The following SLC9A9 variants were observed in gnomAD, a reference collection of about 807,000 sequenced individuals.
SLC9A9 encodes the protein sodium/hydrogen exchanger 9.
In SLC9A9, 62 loss-of-function variants were observed where a neutral mutation model predicts 77.8. That is an observed-to-expected ratio of 0.80 (90% CI 0.65 to 0.98). SLC9A9 has a LOEUF of 0.98. Ranked by LOEUF, SLC9A9 falls within the 50% of genes least tolerant of loss-of-function variation. SLC9A9 has a pLI of 0.00. For missense variants in SLC9A9, 775 were observed against 774.9 expected, an observed-to-expected ratio of 1.00 and a Z score of 0.00; for synonymous variants, 320 against 283.5, an observed-to-expected ratio of 1.13 and a Z score of -1.29.
At chr3:143,781,635 T>A (rs2007885148) in intron 4 of SLC9A9, among the ~76,000 whole-genome samples, 1 of 152,190 alleles carries the variant, frequency 6.6e-6, no homozygotes, top group South Asian at 2.1e-4. Flanking sequence ...ACGCTTACAT[T>A]TTTAGAGGAA....
At chr3:143,486,554 G>A (rs2035655707) in intron 11 of SLC9A9, among the ~76,000 whole-genome samples, 1 of 151,946 alleles carries the variant, frequency 6.6e-6, no homozygotes, top group Non-Finnish European at 1.5e-5. Flanking sequence ...TAATTTAAGA[G>A]ACTAATGCAT....
In SLC9A9 at chr3:143,647,528, AAG is replaced by A. The variant is rs1425279359; in HGVS notation, c.755+4725_755+4726del. Among the ~76,000 whole-genome samples the A allele has an allele frequency of 2.0e-5, 3 of 152,350 alleles. No homozygotes were observed. In the South Asian group the frequency reaches 6.2e-4, roughly 32 times the overall value. Reference sequence around the variant, plus strand: ...AGACTGCATAGAAGAGTATAAAATAAAGAGTTAAATTATTTTTCATCCTTTGC... The same window carrying A: ...AGACTGCATAGAAGAGTATAAAATAAAGTTAAATTATTTTTCATCCTTTGC... On this transcript the variant is annotated intron_variant, in intron 6 of 15. Transcript: ENST00000316549.
At chr3:143,712,683 T>C (rs1018210095) in intron 4 of SLC9A9, among the ~76,000 whole-genome samples, 1 of 151,446 alleles carries the variant, frequency 6.6e-6, no homozygotes, top group African/African-American at 2.5e-5. Flanking sequence ...TTCCAGCTAT[T>C]ACTTTCTTTG....
intron 14 of SLC9A9, among the ~76,000 whole-genome samples, chr3:143,309,205 C>A (rs1334535702): frequency 6.6e-6 from 1 of 152,080 alleles, no homozygotes; most frequent in Non-Finnish European, 1.5e-5. Flanking sequence ...CAAAGGTAAA[C>A]CCTCCTTACA....
In SLC9A9 at chr3:143,692,159, C is replaced by CT. The variant is rs377709914; in HGVS notation, c.649+1032dup. ...GATTCAACCACAAGACAAATTACCTCTTTTTTTTTAAACAAATAAATGACA... is the reference window on the plus strand; with the variant it reads ...GATTCAACCACAAGACAAATTACCTCTTTTTTTTTTAAACAAATAAATGACA... On this transcript the variant is annotated intron_variant, in intron 5 of 15. Transcript: ENST00000316549. 7.7e-3 allele frequency among the ~76,000 whole-genome samples: 1,166 copies of CT among 151,378 alleles called. 9 individuals carry two copies. The highest frequency in any genetic ancestry group is 0.027 in the African/African-American group (1,097 of 41,304).
At chr3:143,753,599 A>G (rs2006818407) in intron 4 of SLC9A9, among the ~76,000 whole-genome samples, 1 of 152,174 alleles carries the variant, frequency 6.6e-6, no homozygotes, top group Non-Finnish European at 1.5e-5. Context: ...GGTTATCTAG[A>G]GGGTGCTGCA....
chr3:143,757,927 G>A (rs1169868332), intron 4 of SLC9A9, among the ~76,000 whole-genome samples: 1 of 152,090 alleles, frequency 6.6e-6, no homozygotes, highest in Admixed American at 6.6e-5. Context: ...ACTAGGTAAA[G>A]GAAACAGCCG....
At chr3:143,678,481 G>A (rs950396316) in intron 5 of SLC9A9, among the ~76,000 whole-genome samples, 5 of 152,054 alleles carry the variant, frequency 3.3e-5, no homozygotes, top group African/African-American at 1.2e-4. Context: ...ATGGTTATAT[G>A]TGTTCAATTT....
chr3:143,374,822 G>A (rs2033144952), intron 13 of SLC9A9, among the ~76,000 whole-genome samples: 1 of 152,048 alleles, frequency 6.6e-6, no homozygotes, highest in Non-Finnish European at 1.5e-5. Context: ...ATACAATTAA[G>A]TTATTATTGA....
chr3:143,597,836 A>T (rs1576600628), intron 6 of SLC9A9, among the ~76,000 whole-genome samples: 2 of 152,340 alleles, frequency 1.3e-5, no homozygotes, highest in East Asian at 1.9e-4. Flanking sequence ...TAAGGAAGGT[A>T]TGGCGCTAAA....
intron 8 of SLC9A9, among the ~76,000 whole-genome samples, chr3:143,568,330 GT>G (rs1308962619): frequency 6.6e-6 from 1 of 152,104 alleles, no homozygotes; most frequent in Non-Finnish European, 1.5e-5. Flanking sequence ...ATTAGAAGAT[GT>G]TATCCATTGG....
chr3:143,551,307 G>A (rs994535539), intron 9 of SLC9A9, among the ~76,000 whole-genome samples: 5 of 152,234 alleles, frequency 3.3e-5, no homozygotes, highest in East Asian at 1.9e-4. Context: ...ATACATTCCC[G>A]TTATGTAAGC....
chr3:143,635,580 TCTC>T (rs1394798335), intron 6 of SLC9A9, among the ~76,000 whole-genome samples: 3 of 152,326 alleles, frequency 2.0e-5, no homozygotes, highest in South Asian at 4.1e-4. Context: ...TTTGAAAACT[TCTC>T]CTTTTCTTCC....
chr3:143,390,977 C>T (rs1037777731), intron 12 of SLC9A9, among the ~76,000 whole-genome samples: 2 of 152,202 alleles, frequency 1.3e-5, no homozygotes, highest in Admixed American at 6.5e-5. Flanking sequence ...TGGAGCCCAC[C>T]GCAGCTCAAG....
At chr3:143,845,934 C>G (rs9824974) in intron 1 of SLC9A9, among the ~76,000 whole-genome samples, 137,433 of 152,248 alleles carry the variant, frequency 0.9, 62,931 homozygotes, top group South Asian at 0.99. Flanking sequence ...TCAGAGAACC[C>G]AACTTAATTC....
intron 4 of SLC9A9, among the ~76,000 whole-genome samples, chr3:143,774,606 T>A (rs2007630314): frequency 6.6e-6 from 1 of 152,246 alleles, no homozygotes; most frequent in South Asian, 2.1e-4. Flanking sequence ...CAGAGTAGCC[T>A]GGAAGTGTTA....
intron 9 of SLC9A9, among the ~76,000 whole-genome samples, chr3:143,549,042 C>T (rs1185211930): frequency 1.3e-5 from 2 of 152,220 alleles, no homozygotes; most frequent in Non-Finnish European, 2.9e-5. Context: ...GCTACCTTCC[C>T]GTTGACAGTG....
chr3:143,779,124 T>C (rs1410530947), intron 4 of SLC9A9, among the ~76,000 whole-genome samples: 1 of 152,198 alleles, frequency 6.6e-6, no homozygotes, highest in East Asian at 1.9e-4. Flanking sequence ...ATAATCTATG[T>C]TTAAAAATTC....
At chr3:143,616,938 C>A (rs1324478346) in intron 6 of SLC9A9, among the ~76,000 whole-genome samples, 3 of 151,488 alleles carry the variant, frequency 2.0e-5, no homozygotes, top group African/African-American at 7.3e-5. Context: ...ATGCTCCAGT[C>A]AGAGAAACCA....
Sources: gnomAD v4.1 joint callset for allele counts (sites outside exome capture counted in the v4.1 genomes callset) on GRCh38, gnomAD v4.1.1 for gene constraint, MANE v1.5 for transcripts, NCBI Gene and HGNC (gene_info 2026-07-23, HGNC 2026-07-21) for gene names.